Variants in DLG2 observed in about 807,000 individuals in gnomAD.
The protein encoded by DLG2 is disks large homolog 2.
A neutral mutation model predicts 132.5 loss-of-function variants in DLG2; 45 were observed. The observed-to-expected ratio is 0.34, with a 90% CI of 0.27 to 0.44. DLG2 has a LOEUF of 0.44. DLG2 is among the 20% of genes least tolerant of loss of function. The pLI is 1.00. For synonymous variants in DLG2, 424 were observed against 419.6 expected, an observed-to-expected ratio of 1.01 and a Z score of -0.13; for missense variants, 1,045 against 1,196.9, an observed-to-expected ratio of 0.87 and a Z score of 1.87.
At chr11:84,471,635 C>A (rs1221116655) in intron 7 of DLG2, among the ~76,000 whole-genome samples, 2 of 151,714 alleles carry the variant, frequency 1.3e-5, no homozygotes, top group Non-Finnish European at 2.9e-5. Context: ...GGGTGAACAG[C>A]CAATTTGAAA....
intron 15 of DLG2, among the ~76,000 whole-genome samples, chr11:83,915,915 G>A (rs2076844034): frequency 6.6e-6 from 1 of 152,072 alleles, no homozygotes; most frequent in South Asian, 2.1e-4. Context: ...TCTAGCCCCA[G>A]GAAATCACTA....
At chr11:85,176,291 G>A (rs1261148812) in intron 4 of DLG2, among the ~76,000 whole-genome samples, 1 of 152,120 alleles carries the variant, frequency 6.6e-6, no homozygotes, top group Non-Finnish European at 1.5e-5. Flanking sequence ...ACAGAATAGA[G>A]AACTCAGAAA....
intron 7 of DLG2, among the ~76,000 whole-genome samples, chr11:84,502,159 T>TTCC (rs2099209185): frequency 4.5e-5 from 3 of 66,330 alleles, no homozygotes; most frequent in Admixed American, 1.1e-4. Context: ...CCTTCCTTCC[T>TTCC]TTCTCTCTCT....
intron 6 of DLG2, among the ~76,000 whole-genome samples, chr11:85,037,986 G>A (rs1448671397): frequency 6.6e-6 from 1 of 152,048 alleles, no homozygotes; most frequent in Non-Finnish European, 1.5e-5. Flanking sequence ...CAAAACCTCT[G>A]AGCTCTGATT....
intron 20 of DLG2, among the ~76,000 whole-genome samples, chr11:83,540,003 T>A (rs2096013838): frequency 6.6e-6 from 1 of 152,156 alleles, no homozygotes; most frequent in Non-Finnish European, 1.5e-5. Context: ...AAAATTTGAA[T>A]CCCTTTTCTA....
chr11:85,235,749 A>T (rs1159381249), intron 4 of DLG2, among the ~76,000 whole-genome samples: 1 of 151,908 alleles, frequency 6.6e-6, no homozygotes, highest in Non-Finnish European at 1.5e-5. Context: ...TAGAAAGTAG[A>T]ATAGTAGGAA....
chr11:84,583,314 G>C (rs1340804569), intron 6 of DLG2, among the ~76,000 whole-genome samples: 1 of 152,148 alleles, frequency 6.6e-6, no homozygotes, highest in Non-Finnish European at 1.5e-5. Flanking sequence ...AGCATCTGCT[G>C]TCACAGATGC....
intron 7 of DLG2, among the ~76,000 whole-genome samples, chr11:84,319,042 G>A (rs866353285): frequency 5.9e-5 from 9 of 152,134 alleles, no homozygotes; most frequent in Middle Eastern, 3.2e-3. Context: ...CTGGTGTTGA[G>A]GTATTCTTGT....
intron 6 of DLG2, among the ~76,000 whole-genome samples, chr11:84,868,614 T>C (rs1039207398): frequency 2.6e-5 from 4 of 151,996 alleles, no homozygotes; most frequent in African/African-American, 4.8e-5. Flanking sequence ...GAAATAGGAG[T>C]GTGTAGATGT....
chr11:85,161,685 G>GGCTCAT (rs986764998), intron 4 of DLG2, among the ~76,000 whole-genome samples: 1 of 152,128 alleles, frequency 6.6e-6, no homozygotes, highest in African/African-American at 2.4e-5. Flanking sequence ...TGTGATTGTG[G>GGCTCAT]GCTCATGCTC....
At chr11:84,561,826 T>C (rs191903711) in intron 6 of DLG2, among the ~76,000 whole-genome samples, 2 of 152,264 alleles carry the variant, frequency 1.3e-5, no homozygotes, top group East Asian at 3.9e-4. Flanking sequence ...ACATATTAAT[T>C]TGAAGATTTA....
At chr11:84,847,673 G>A (rs1212273539) in intron 6 of DLG2, among the ~76,000 whole-genome samples, 1 of 152,086 alleles carries the variant, frequency 6.6e-6, no homozygotes, top group Non-Finnish European at 1.5e-5. Context: ...AATAAAGCAT[G>A]GCCTAAGGAT....
chr11:83,534,267 G>C (rs1216206198), intron 20 of DLG2, among the ~76,000 whole-genome samples: 1 of 152,164 alleles, frequency 6.6e-6, no homozygotes, highest in African/African-American at 2.4e-5. Flanking sequence ...CTTATCACTT[G>C]ATGGTGTTTT....
At chr11:85,529,162 C>A (rs1040710736) in intron 3 of DLG2, among the ~76,000 whole-genome samples, 1 of 152,162 alleles carries the variant, frequency 6.6e-6, no homozygotes, top group Non-Finnish European at 1.5e-5. Flanking sequence ...TTGTCATATC[C>A]CTCATTCCTG....
intron 18 of DLG2, among the ~76,000 whole-genome samples, chr11:83,712,099 A>G (rs1341978606): frequency 5.3e-5 from 8 of 152,210 alleles, no homozygotes; most frequent in Non-Finnish European, 4.4e-5. Context: ...AAGACAGTGT[A>G]GTGATTCCTC....
chr11:85,290,714 C>G (rs1192117834), intron 3 of DLG2, among the ~76,000 whole-genome samples: 1 of 151,942 alleles, frequency 6.6e-6, no homozygotes, highest in Non-Finnish European at 1.5e-5. Flanking sequence ...CCATCTTCTG[C>G]CTTTAGGATC....
At chr11:85,624,762 T>C (rs767934895) in intron 2 of DLG2, among the ~76,000 whole-genome samples, 11 of 152,160 alleles carry the variant, frequency 7.2e-5, no homozygotes, top group Non-Finnish European at 1.6e-4. Context: ...ATACAACATA[T>C]ACTCTGGTAT....
chr11:85,152,749 C>A (rs572690072), intron 5 of DLG2, among the ~76,000 whole-genome samples: 2 of 152,158 alleles, frequency 1.3e-5, no homozygotes, highest in Admixed American at 1.3e-4. Context: ...TACTCTTACA[C>A]GATTCTTCCT....
At chr11:83,551,755 C>A (rs1221882967) in intron 19 of DLG2, among the ~76,000 whole-genome samples, 2 of 152,082 alleles carry the variant, frequency 1.3e-5, no homozygotes, top group Non-Finnish European at 2.9e-5. Flanking sequence ...TCCTTACTCA[C>A]CCAGGCAAAA....
Sources: allele counts gnomAD v4.1 joint callset (sites outside exome capture counted in the v4.1 genomes callset), GRCh38; gene constraint gnomAD v4.1.1; transcripts MANE v1.5; gene names NCBI Gene and HGNC (gene_info 2026-07-23, HGNC 2026-07-21).